Variants in DAAM1 observed in about 807,000 individuals in gnomAD.
DAAM1 encodes the protein dishevelled associated activator of morphogenesis 1, also known as disheveled-associated activator of morphogenesis 1.
A neutral mutation model predicts 130.0 loss-of-function variants in DAAM1; 52 were observed. The ratio of observed to expected loss-of-function variants is 0.40; its 90% CI spans 0.32 to 0.50. The LOEUF is 0.50. DAAM1 is among the 20% of genes least tolerant of loss of function. The pLI, the probability that DAAM1 is intolerant of heterozygous loss-of-function variation, is 0.61. For synonymous variants in DAAM1, 452 were observed against 444.5 expected (o/e 1.02, Z -0.21); for missense variants, 1,134 against 1,303.8 (o/e 0.87, Z 2.01).
intron 1 of DAAM1, among the ~76,000 whole-genome samples, chr14:59,228,628 A>T (rs1889014223): frequency 6.6e-6 from 1 of 152,188 alleles, no homozygotes; most frequent in African/African-American, 2.4e-5. Context: ...CATCACTCAG[A>T]TTCTTTTCCC....
chr14:59,309,858 C>T (rs901717718), intron 3 of DAAM1, among the ~76,000 whole-genome samples: 6 of 152,222 alleles, frequency 3.9e-5, no homozygotes, highest in African/African-American at 1.4e-4. Flanking sequence ...CTTCCATCTT[C>T]TGTGCTTCTC....
chr14:59,241,589 A>C, intron 1 of DAAM1, among the ~76,000 whole-genome samples: 1 of 152,218 alleles, frequency 6.6e-6, no homozygotes, highest in East Asian at 1.9e-4. Context: ...CTTCTGCATG[A>C]GGAACTTCTA....
At chr14:59,200,658 T>C (rs1888069855) in intron 1 of DAAM1, among the ~76,000 whole-genome samples, 1 of 152,240 alleles carries the variant, frequency 6.6e-6, no homozygotes, top group Non-Finnish European at 1.5e-5. Context: ...AGGAAGCATA[T>C]ATTTTCATAT....
chr14:59,251,693 T>C (rs1308488865), intron 1 of DAAM1, among the ~76,000 whole-genome samples: 2 of 152,214 alleles, frequency 1.3e-5, no homozygotes, highest in African/African-American at 2.4e-5. Flanking sequence ...TAGAGGCGAC[T>C]GTCCTCTCTA....
At chr14:59,269,266 C>T (rs904336665) in intron 2 of DAAM1, among the ~76,000 whole-genome samples, 1 of 152,168 alleles carries the variant, frequency 6.6e-6, no homozygotes, top group African/African-American at 2.4e-5. Context: ...TTCCCTTTTT[C>T]GTGAGGAGGG....
intron 3 of DAAM1, among the ~76,000 whole-genome samples, chr14:59,298,138 G>A (rs991144895): frequency 5.3e-5 from 8 of 152,040 alleles, no homozygotes; most frequent in African/African-American, 1.9e-4. Context: ...TTTATATTAG[G>A]TTTTAGCCAG....
At position 59,347,613 on chromosome 14, in the gene DAAM1, T is replaced by A; in HGVS notation, c.2150T>A (p.Met717Lys). 1 of 1,613,774 alleles carries A rather than the reference T, an allele frequency of 6.2e-7. No individual in the cohort carries two copies. The highest frequency in any genetic ancestry group is 8.5e-7 in the Non-Finnish European group (1 of 1,179,782). Residue 717 changes from methionine (M) to lysine (K), a missense_variant, in exon 17 of 25, where the codon ATG becomes AAG. By Grantham distance (95) the Met-to-Lys change is moderately conservative. Around this residue, in one of 3 missense-constraint regions of DAAM1, gnomAD observed 644 missense variants for 695.9 expected, o/e 0.93. Coordinates refer to ENST00000360909, the MANE Select transcript of DAAM1 (RefSeq NM_001270520.2). ...MDEQEDLPKD[M>K]LEQLLKFVPE... ...GAACAGGAAGATCTGCCCAAGGACATGTTGGAACAGGTGAGCTACCAGATG... is the reference window on the plus strand; with the variant it reads ...GAACAGGAAGATCTGCCCAAGGACAAGTTGGAACAGGTGAGCTACCAGATG...
chr14:59,200,262 G>A (rs1888058814), intron 1 of DAAM1, among the ~76,000 whole-genome samples: 1 of 152,174 alleles, frequency 6.6e-6, no homozygotes, highest in Non-Finnish European at 1.5e-5. Context: ...CATGGCCTGT[G>A]TTGGTAGCTC....
chr14:59,314,549 G>A (rs902880890), intron 3 of DAAM1, among the ~76,000 whole-genome samples: 2 of 152,020 alleles, frequency 1.3e-5, no homozygotes, highest in African/African-American at 4.8e-5. Context: ...GCCCTGGGGG[G>A]CTTAGGGGCT....
chr14:59,241,407 A>G lies in DAAM1; in HGVS notation c.-37-22034A>G, dbSNP rs181630913. On this transcript the variant is annotated intron_variant, in intron 1 of 24. Coordinates refer to ENST00000360909, the MANE Select transcript of DAAM1 (RefSeq NM_001270520.2). ...TCTTTCCGAATTAAGTAGAGTGAAA[A>G]GGAAAACATTGGTTTTTGAGACTTG... Among the ~76,000 whole-genome samples, 931 of 152,330 alleles carry G rather than the reference A, an allele frequency of 6.1e-3. 5 individuals are homozygous for G. Among genetic ancestry groups the G allele is most frequent in the Non-Finnish European group, 9.4e-3 (636 of 68,020 alleles).
At chr14:59,248,684 T>C (rs984501082) in intron 1 of DAAM1, among the ~76,000 whole-genome samples, 5 of 152,172 alleles carry the variant, frequency 3.3e-5, no homozygotes, top group African/African-American at 1.2e-4. Context: ...CCCTTCTCCA[T>C]CCTCAAGGTC....
chr14:59,323,093 A>C lies in DAAM1; in HGVS notation c.642A>C (p.Thr214=). The C allele has an allele frequency of 6.2e-7, 1 of 1,613,800 alleles. No individual in the cohort carries two copies. ...ATGTAATTGCTCAGAGTCTGAGCACAGAGAACATTAAAACGAAGGTGGCCG... is the reference window on the plus strand; with the variant it reads ...ATGTAATTGCTCAGAGTCTGAGCACCGAGAACATTAAAACGAAGGTGGCCG... The part of the protein sequence containing the change: ...SINVIAQSLS[T]ENIKTKVAVL... The change falls in exon 6 of 25, where the codon ACA becomes ACC. Residue 214 remains threonine, a synonymous_variant. Transcript: ENST00000360909.
At chr14:59,220,191 T>C (rs1263299786) in intron 1 of DAAM1, among the ~76,000 whole-genome samples, 1 of 152,186 alleles carries the variant, frequency 6.6e-6, no homozygotes, top group South Asian at 2.1e-4. Flanking sequence ...AAGGAAGAGA[T>C]ACACAGAAGT....
intron 3 of DAAM1, among the ~76,000 whole-genome samples, chr14:59,296,778 T>C (rs74462989): frequency 0.021 from 3,153 of 152,300 alleles, 65 homozygotes; most frequent in Non-Finnish European, 0.027. Flanking sequence ...ACTTTCCTCT[T>C]TGATTTCTAT....
intron 3 of DAAM1, among the ~76,000 whole-genome samples, chr14:59,311,983 G>T (rs1452055561): frequency 4.6e-5 from 7 of 152,166 alleles, no homozygotes; most frequent in Admixed American, 3.9e-4. Context: ...ACAGGTGTGA[G>T]CCACTGCACC....
intron 23 of DAAM1, among the ~76,000 whole-genome samples, chr14:59,364,026 T>C (rs768022892): frequency 1.3e-5 from 2 of 152,250 alleles, no homozygotes; most frequent in Non-Finnish European, 2.9e-5. Context: ...ATGTTGCCTT[T>C]AGGTTAGCAA....
intron 1 of DAAM1, among the ~76,000 whole-genome samples, chr14:59,221,683 T>A (rs1888777557): frequency 6.6e-6 from 1 of 152,322 alleles, no homozygotes; most frequent in Admixed American, 6.5e-5. Flanking sequence ...AGTAGTCCAG[T>A]TTCTTCTTGG....
intron 3 of DAAM1, among the ~76,000 whole-genome samples, chr14:59,296,745 A>G (rs1422258967): frequency 1.3e-5 from 2 of 152,148 alleles, no homozygotes; most frequent in African/African-American, 4.8e-5. Context: ...TCAACATTTG[A>G]GCTGTGTTCA....
intron 1 of DAAM1, among the ~76,000 whole-genome samples, chr14:59,192,341 C>G (rs1214924712): frequency 6.6e-6 from 1 of 152,086 alleles, no homozygotes; most frequent in Non-Finnish European, 1.5e-5. Flanking sequence ...AACTTGAGGT[C>G]TTGTGTGAAA....
Sources: allele counts gnomAD v4.1 joint callset (sites outside exome capture counted in the v4.1 genomes callset), GRCh38; gene constraint gnomAD v4.1.1; regional missense constraint gnomAD v4.1.1; transcripts MANE v1.5; gene names NCBI Gene and HGNC (gene_info 2026-07-23, HGNC 2026-07-21).